ZMAT4: variants seen among roughly 807,000 people sequenced by gnomAD.
The protein encoded by ZMAT4 is zinc finger matrin-type 4, also known as zinc finger matrin-type protein 4.
In ZMAT4, 17 loss-of-function variants were observed where a neutral mutation model predicts 28.7. The ratio of observed to expected loss-of-function variants is 0.59; its 90% CI spans 0.41 to 0.89. The LOEUF (loss-of-function observed/expected upper bound fraction) is 0.89, where lower values mean the gene tolerates loss of function less well. Among genes scored for constraint, ZMAT4 ranks in the 40% least tolerant of loss-of-function variants. The pLI is 0.00. For synonymous variants in ZMAT4, 117 were observed against 109.2 expected (o/e 1.07, Z -0.44); for missense variants, 240 against 283.8 (o/e 0.85, Z 1.11).
intron 1 of ZMAT4, among the ~76,000 whole-genome samples, chr8:40,872,337 C>T (rs987552813): frequency 1.3e-5 from 2 of 152,210 alleles, no homozygotes; most frequent in African/African-American, 2.4e-5. Flanking sequence ...CAGGTGCCAG[C>T]GGAAACATCC....
At chr8:40,677,609 C>T (rs1293216749) in intron 4 of ZMAT4, among the ~76,000 whole-genome samples, 1 of 152,076 alleles carries the variant, frequency 6.6e-6, no homozygotes, top group Admixed American at 6.6e-5. Flanking sequence ...AGCTTTGATT[C>T]AATACCAAAT....
chr8:40,789,321 T>C (rs1026635649), intron 2 of ZMAT4, among the ~76,000 whole-genome samples: 8 of 152,296 alleles, frequency 5.3e-5, no homozygotes, highest in African/African-American at 1.7e-4. Flanking sequence ...TTTTCCAAGA[T>C]GAATTAGGCA....
Position 40,634,841 on chromosome 8 carries a change from G to T in ZMAT4, c.577+39863C>A, listed in dbSNP as rs79093313. 9.3e-3 allele frequency among the ~76,000 whole-genome samples: 1,424 copies of T among 152,300 alleles called. 23 individuals carry two copies. The highest frequency in any genetic ancestry group is 0.016 in the Admixed American group (242 of 15,296). On this transcript the variant is annotated intron_variant, in intron 5 of 6. Coordinates refer to ENST00000297737, the MANE Select transcript of ZMAT4 (RefSeq NM_024645.3). ...GAGCCATCCATACAGTTACAGAAAA[G>T]ATACTGATGCGTGATTTATTTTGCA...
chr8:40,724,128 G>A (rs1282181578), intron 3 of ZMAT4, among the ~76,000 whole-genome samples: 1 of 152,002 alleles, frequency 6.6e-6, no homozygotes, highest in African/African-American at 2.4e-5. Flanking sequence ...CACAAAAGAC[G>A]TTCCCCAGTG....
chr8:40,710,216 T>C (rs985115000), intron 3 of ZMAT4, among the ~76,000 whole-genome samples: 2 of 152,262 alleles, frequency 1.3e-5, no homozygotes, highest in Middle Eastern at 3.4e-3. Flanking sequence ...GGGGAGAATA[T>C]GTGCTGCAAT....
chr8:40,534,759 T>C (rs1802794752), intron 6 of ZMAT4, among the ~76,000 whole-genome samples: 1 of 147,170 alleles, frequency 6.8e-6, no homozygotes, highest in South Asian at 2.2e-4. Flanking sequence ...CTCAGCTCAC[T>C]GCAACCTCTG....
chr8:40,679,008 G>T (rs193063006), intron 4 of ZMAT4, among the ~76,000 whole-genome samples: 1 of 152,134 alleles, frequency 6.6e-6, no homozygotes. Context: ...AATACAATCA[G>T]CCCCAAATAT....
intron 5 of ZMAT4, among the ~76,000 whole-genome samples, chr8:40,589,770 C>A: frequency 7.0e-6 from 1 of 142,756 alleles, no homozygotes; most frequent in African/African-American, 2.6e-5. Context: ...CTTTTTCTTT[C>A]TTTCTTTCCT....
At chr8:40,589,731 C>CCTTTCTTCCTTTCTTTCTTTCTTTCTTT (rs1804795512) in intron 5 of ZMAT4, among the ~76,000 whole-genome samples, 3 of 139,274 alleles carry the variant, frequency 2.2e-5, no homozygotes, top group African/African-American at 8.1e-5. Flanking sequence ...TTCTTCCTTT[C>CCTTTCTTCCTTTCTTTCTTTCTTTCTTT]CTTTCTTTCT....
intron 1 of ZMAT4, among the ~76,000 whole-genome samples, chr8:40,896,846 C>A (rs774713504): frequency 6.6e-5 from 10 of 152,190 alleles, no homozygotes; most frequent in South Asian, 2.1e-4. Context: ...CACGGAGCCA[C>A]CCCCTCCACC....
At chr8:40,766,983 C>T (rs1417902560) in intron 3 of ZMAT4, among the ~76,000 whole-genome samples, 1 of 152,136 alleles carries the variant, frequency 6.6e-6, no homozygotes, top group Non-Finnish European at 1.5e-5. Flanking sequence ...GCCTCTGCAG[C>T]TGGTGGATAT....
intron 2 of ZMAT4, among the ~76,000 whole-genome samples, chr8:40,781,756 C>T (rs1478170025): frequency 3.0e-5 from 2 of 65,968 alleles, no homozygotes; most frequent in Admixed American, 3.6e-4. Context: ...AGCGAGACTC[C>T]GTCTCAAAAA....
At chr8:40,832,510 G>A (rs1326815779) in intron 1 of ZMAT4, among the ~76,000 whole-genome samples, 2 of 152,108 alleles carry the variant, frequency 1.3e-5, no homozygotes, top group South Asian at 2.1e-4. Flanking sequence ...CAGCCAGTCT[G>A]GGACCTTCCA....
chr8:40,819,344 C>A (rs1391945482), intron 2 of ZMAT4, among the ~76,000 whole-genome samples: 1 of 152,180 alleles, frequency 6.6e-6, no homozygotes, highest in East Asian at 1.9e-4. Context: ...TAACCCATAT[C>A]TTGACATTGG....
intron 6 of ZMAT4, among the ~76,000 whole-genome samples, chr8:40,561,449 T>C (rs1340468189): frequency 6.6e-6 from 1 of 152,172 alleles, no homozygotes; most frequent in Non-Finnish European, 1.5e-5. Flanking sequence ...CTTCCACATG[T>C]AAGCACCAGG....
intron 1 of ZMAT4, among the ~76,000 whole-genome samples, chr8:40,827,222 T>A (rs1002102203): frequency 6.6e-6 from 1 of 152,136 alleles, no homozygotes; most frequent in Non-Finnish European, 1.5e-5. Context: ...TTCCCCCATA[T>A]AAAAATTGAG....
At chr8:40,848,420 T>C (rs1167016897) in intron 1 of ZMAT4, among the ~76,000 whole-genome samples, 4 of 152,164 alleles carry the variant, frequency 2.6e-5, no homozygotes, top group South Asian at 2.1e-4. Flanking sequence ...TGAAAAAACA[T>C]AGTGATTTTC....
At chr8:40,825,988 G>A (rs1421366479) in intron 1 of ZMAT4, among the ~76,000 whole-genome samples, 9 of 152,174 alleles carry the variant, frequency 5.9e-5, no homozygotes, top group African/African-American at 1.7e-4. Flanking sequence ...GCAGGGCACC[G>A]TGGCTCACGC....
chr8:40,540,099 T>A (rs778977048), intron 6 of ZMAT4, among the ~76,000 whole-genome samples: 26 of 152,132 alleles, frequency 1.7e-4, no homozygotes, highest in Non-Finnish European at 3.4e-4. Flanking sequence ...CACATCAGCG[T>A]GATGAGGGAG....
Sources: gnomAD v4.1 joint callset for allele counts (sites outside exome capture counted in the v4.1 genomes callset) on GRCh38, gnomAD v4.1.1 for gene constraint, MANE v1.5 for transcripts, NCBI Gene and HGNC (gene_info 2026-07-23, HGNC 2026-07-21) for gene names.